C16orf96: variants seen among roughly 807,000 people sequenced by gnomAD.
C16orf96 encodes the protein chromosome 16 open reading frame 96, also known as uncharacterized protein C16orf96.
A neutral mutation model predicts 103.6 loss-of-function variants in C16orf96; 108 were observed. The ratio of observed to expected loss-of-function variants is 1.04; its 90% CI spans 0.89 to 1.22. The LOEUF (loss-of-function observed/expected upper bound fraction) is 1.22, where lower values mean the gene tolerates loss of function less well. C16orf96 is among the 50% of genes most tolerant of loss of function. The pLI is 0.00. For missense variants in C16orf96, 1,586 were observed against 1,464.2 expected, an observed-to-expected ratio of 1.08 and a Z score of -1.36; for synonymous variants, 566 against 593.5, an observed-to-expected ratio of 0.95 and a Z score of 0.67.
At chr16:4,548,228 G>T in the C16orf96 span, among the ~76,000 whole-genome samples, 1 of 152,172 alleles carries the variant, frequency 6.6e-6, no homozygotes. Context: ...GCCCACGGCT[G>T]TCCTGAATGG....
intron 14 of C16orf96, 124 bp from the exon 15 acceptor site, chr16:4,599,160 G>A (rs2141772051): frequency 2.6e-6 from 2 of 762,534 alleles, no homozygotes; most frequent in South Asian, 1.6e-5. Context: ...ATAAAGGAAT[G>A]GACCGGGGAG....
the C16orf96 span, among the ~76,000 whole-genome samples, chr16:4,540,562 G>A: frequency 2.4e-4 from 37 of 151,894 alleles, no homozygotes; most frequent in African/African-American, 7.5e-4. Context: ...GTGAAACCCC[G>A]TCTCTACTAA....
intron 1 of C16orf96, 55 bp from the exon 2 acceptor site, chr16:4,571,506 C>T (rs1441480796): frequency 1.4e-6 from 2 of 1,470,528 alleles, no homozygotes; most frequent in Non-Finnish European, 1.9e-6. Flanking sequence ...CTGCACTTCA[C>T]TTACCTTCTC....
chr16:4,578,789 A>T (rs1043668615), intron 5 of C16orf96, 151 bp from the exon 6 acceptor site: 2 of 458,226 alleles, frequency 4.4e-6, no homozygotes, highest in Admixed American at 7.2e-5. Context: ...TAATGAAGAA[A>T]TAAATAAAAA....
chr16:4,553,390 T>G (rs2059239172), upstream of C16orf96, among the ~76,000 whole-genome samples: 1 of 152,266 alleles, frequency 6.6e-6, no homozygotes, highest in Non-Finnish European at 1.5e-5. Flanking sequence ...GTATTTTGTT[T>G]TATTTGAGAT....
rs1274208373 is a variant in C16orf96 at position 4,575,558 on chromosome 16, C to T, written c.1078C>T (p.Pro360Ser). Residue 360 changes from proline to serine, a missense_variant, in exon 5 of 16, where the codon CCT (proline) becomes TCT (serine). By Grantham distance (74) the Pro-to-Ser change is moderately conservative (BLOSUM62 -1). Transcript: ENST00000444310. ...GCCTGTCCCAGGGCCCAGTGTGACA[C>T]CTGGGTCCTTGCCAGCACCTTGGCC... ...LGPVPGPSVT[P>S]GSLPAPWPVL... The T allele has an allele frequency of 6.5e-7, 1 of 1,534,126 alleles. No homozygotes were observed.
At chr16:4,551,851 T>C (rs2059229964), upstream of C16orf96, among the ~76,000 whole-genome samples, 1 of 152,116 alleles carries the variant, frequency 6.6e-6, no homozygotes, top group African/African-American at 2.4e-5. Context: ...TATCAACCCA[T>C]CATCTAGGTT....
At chr16:4,573,875 C>T (rs2059469259) in intron 2 of C16orf96, among the ~76,000 whole-genome samples, 1 of 151,944 alleles carries the variant, frequency 6.6e-6, no homozygotes, top group African/African-American at 2.4e-5. Flanking sequence ...TCTCTGTCAC[C>T]CAGGCTGGAG....
upstream of C16orf96, among the ~76,000 whole-genome samples, chr16:4,551,509 T>C (rs553112947): frequency 2.6e-5 from 4 of 152,316 alleles, no homozygotes; most frequent in Non-Finnish European, 5.9e-5. Flanking sequence ...TGGAGTGCAG[T>C]GGCTTGATCT....
chr16:4,551,839 C>T (rs1339245680), upstream of C16orf96, among the ~76,000 whole-genome samples: 2 of 152,082 alleles, frequency 1.3e-5, no homozygotes, highest in African/African-American at 2.4e-5. Context: ...GTTTGCTGCA[C>T]CTATCAACCC....
chr16:4,590,089 G>A (rs2141754413), intron 9 of C16orf96, among the ~76,000 whole-genome samples: 1 of 151,848 alleles, frequency 6.6e-6, no homozygotes, highest in African/African-American at 2.4e-5. Context: ...TAGCGCCACT[G>A]CACTCCAGCC....
At chr16:4,546,254 G>A in the C16orf96 span, among the ~76,000 whole-genome samples, 1 of 149,744 alleles carries the variant, frequency 6.7e-6, no homozygotes, top group Non-Finnish European at 1.5e-5. Flanking sequence ...CACCTCCCAG[G>A]TTCACGCCAT....
At chr16:4,549,366 G>A in the C16orf96 span, among the ~76,000 whole-genome samples, 12 of 151,932 alleles carry the variant, frequency 7.9e-5, no homozygotes, top group East Asian at 1.9e-4. Context: ...CCAGCTGCTC[G>A]GGAGGCTGAG....
chr16:4,594,650 C>G, intron 13 of C16orf96, 54 bp from the exon 14 acceptor site: 1 of 1,545,056 alleles, frequency 6.5e-7, no homozygotes. Context: ...TACCAAAGTT[C>G]GGGGGCAGAT....
the C16orf96 span, among the ~76,000 whole-genome samples, chr16:4,549,791 CAAAAT>C: frequency 4.6e-5 from 7 of 151,870 alleles, no homozygotes; most frequent in African/African-American, 7.2e-5. Context: ...AAAAATAAAA[CAAAAT>C]AAAATAAAAA....
chr16:4,586,928 C>CA (rs1343818197), intron 7 of C16orf96, 111 bp from the exon 8 acceptor site: 6 of 966,606 alleles, frequency 6.2e-6, no homozygotes, highest in South Asian at 1.5e-5. Flanking sequence ...GCCTGCTGTC[C>CA]ACACGGCCTG....
chr16:4,588,191 G>A lies in C16orf96; in HGVS notation c.2452G>A (p.Gly818Ser). 6.4e-7 allele frequency: 1 copy of A among 1,551,476 alleles called. No homozygotes were observed. The highest frequency in any genetic ancestry group is 8.7e-7 in the Non-Finnish European group (1 of 1,146,916). The change falls in exon 9 of 16, where the codon GGC (glycine) becomes AGC (serine). Residue 818 changes from glycine to serine, a missense_variant. Coordinates refer to ENST00000444310, the MANE Select transcript of C16orf96 (RefSeq NM_001145011.2). ...GAAAGCTGACAGGAGTGCCCTGGCA[G>A]GCAAGGCAAGCCGCGTTGACCTGGA... ...REKADRSALA[G>S]KASRVDLETV...
chr16:4,590,238 C>T (rs543063590), intron 9 of C16orf96, among the ~76,000 whole-genome samples: 1 of 151,956 alleles, frequency 6.6e-6, no homozygotes, highest in South Asian at 2.1e-4. Flanking sequence ...ATCCTGGCAA[C>T]ATAGAGAGAC....
intron 6 of C16orf96, among the ~76,000 whole-genome samples, chr16:4,579,247 A>C (rs904649298): frequency 4.6e-5 from 7 of 152,028 alleles, no homozygotes; most frequent in Non-Finnish European, 1.0e-4. Context: ...TCTGTGTCTC[A>C]GGTGGCTGTT....
Sources: allele counts gnomAD v4.1 joint callset (sites outside exome capture counted in the v4.1 genomes callset), GRCh38; gene constraint gnomAD v4.1.1; transcripts MANE v1.5; gene names NCBI Gene and HGNC (gene_info 2026-07-23, HGNC 2026-07-21).